FAM107B: variants seen among roughly 807,000 people sequenced by gnomAD.
FAM107B encodes the protein protein FAM107B.
In FAM107B, 21 loss-of-function variants were observed where a neutral mutation model predicts 31.5. The ratio of observed to expected loss-of-function variants is 0.67; its 90% CI spans 0.47 to 0.96. The LOEUF is 0.96. Ranked by LOEUF, FAM107B falls within the 40% of genes least tolerant of loss-of-function variation. FAM107B has a pLI of 0.00. For missense variants in FAM107B, 452 were observed against 377.1 expected (o/e 1.20, Z -1.64); for synonymous variants, 157 against 141.5 (o/e 1.11, Z -0.78).
chr10:14,748,343 T>C lies in FAM107B; in HGVS notation c.411+25910A>G, dbSNP rs368423040. 3.3e-5 allele frequency among the ~76,000 whole-genome samples: 5 copies of C among 152,320 alleles called. No homozygotes were observed. The East Asian group carries it at 9.6e-4, about 29-fold the overall frequency. ...GGGTAGTGGACATCTGTCATTCTTT[T>C]TGGCCACCTAGTATCTGAACTTTCC... On this transcript the variant is annotated intron_variant, in intron 1 of 4. Coordinates refer to ENST00000181796, the MANE Select transcript of FAM107B (RefSeq NM_031453.4).
chr10:14,582,991 C>G (rs970848295), intron 2 of FAM107B, among the ~76,000 whole-genome samples: 98 of 149,788 alleles, frequency 6.5e-4, no homozygotes, highest in African/African-American at 2.3e-3. Context: ...GAGGCTAAGG[C>G]AGGAGAATTG....
chr10:14,597,996 T>A (rs1244661917), intron 2 of FAM107B, among the ~76,000 whole-genome samples: 2 of 152,112 alleles, frequency 1.3e-5, no homozygotes, highest in Non-Finnish European at 2.9e-5. Context: ...AATGTCTAAG[T>A]CCTTAGCCCA....
At chr10:14,521,414 A>T in intron 4 of FAM107B, 108 bp from the exon 5 acceptor site, 1 of 876,132 alleles carries the variant, frequency 1.1e-6, no homozygotes, top group East Asian at 2.5e-5. Context: ...CACAGAATAA[A>T]TTCTCTCCTG....
At chr10:14,676,256 T>A (rs1854680766) in intron 1 of FAM107B, among the ~76,000 whole-genome samples, 1 of 151,710 alleles carries the variant, frequency 6.6e-6, no homozygotes, top group African/African-American at 2.4e-5. Flanking sequence ...GACGTAATTT[T>A]AGAACCCAAT....
chr10:14,542,304 G>A (rs1848291328), intron 2 of FAM107B, among the ~76,000 whole-genome samples: 1 of 150,782 alleles, frequency 6.6e-6, no homozygotes, highest in African/African-American at 2.4e-5. Context: ...TGAATGAACA[G>A]GATAATACGG....
chr10:14,688,110 G>A (rs940105913), intron 1 of FAM107B, among the ~76,000 whole-genome samples: 4 of 152,214 alleles, frequency 2.6e-5, no homozygotes, highest in African/African-American at 9.6e-5. Context: ...AAGCTGACTT[G>A]CTGAGTCTTC....
chr10:14,760,598 C>G (rs963355813), intron 1 of FAM107B, among the ~76,000 whole-genome samples: 1 of 149,590 alleles, frequency 6.7e-6, no homozygotes, highest in East Asian at 1.9e-4. Flanking sequence ...AAGAGATGTA[C>G]GTTTTTTCAC....
chr10:14,719,733 C>G (rs570111460), intron 1 of FAM107B, among the ~76,000 whole-genome samples: 25 of 150,394 alleles, frequency 1.7e-4, no homozygotes, highest in African/African-American at 6.0e-4. Flanking sequence ...TGTGTCTCCA[C>G]TGTGGTTCCT....
chr10:14,723,583 T>A, intron 1 of FAM107B: 2 of 669,930 alleles, frequency 3.0e-6, no homozygotes, highest in South Asian at 3.0e-5. Context: ...AAAGGCTATG[T>A]CCACATAGAA....
chr10:14,768,546 A>T (rs773383007), intron 1 of FAM107B, among the ~76,000 whole-genome samples: 6 of 152,260 alleles, frequency 3.9e-5, no homozygotes, highest in African/African-American at 9.6e-5. Context: ...GGGAAAAGAC[A>T]GTGTTGTCAA....
At chr10:14,741,561 G>T (rs1856437510) in intron 1 of FAM107B, among the ~76,000 whole-genome samples, 1 of 152,066 alleles carries the variant, frequency 6.6e-6, no homozygotes, top group South Asian at 2.1e-4. Flanking sequence ...ACTGACCCCA[G>T]ATCTGAGCCC....
chr10:14,681,014 A>G (rs976211641), intron 1 of FAM107B, among the ~76,000 whole-genome samples: 3 of 152,208 alleles, frequency 2.0e-5, no homozygotes, highest in African/African-American at 7.2e-5. Context: ...AGGATCAGGG[A>G]GACTCTGGGG....
At chr10:14,624,649 T>C (rs1241804072) in intron 2 of FAM107B, among the ~76,000 whole-genome samples, 3 of 151,612 alleles carry the variant, frequency 2.0e-5, no homozygotes, top group Non-Finnish European at 4.4e-5. Context: ...AAAAAAAGAC[T>C]TGAGGGTCAA....
chr10:14,683,692 A>G (rs4750551), intron 1 of FAM107B, among the ~76,000 whole-genome samples: 39,420 of 152,148 alleles, frequency 0.26, 5,959 homozygotes, highest in Admixed American at 0.34. Flanking sequence ...GTGAGTACCA[A>G]TAGAATCATG....
chr10:14,570,233 G>GGGGTGTGTGTGTGTGTGTGT (rs1554835078), intron 2 of FAM107B, among the ~76,000 whole-genome samples: 9 of 140,340 alleles, frequency 6.4e-5, no homozygotes, highest in African/African-American at 2.1e-4. Flanking sequence ...AAATGTGGTG[G>GGGGTGTGTGTGTGTGTGTGT]GTGTGTGTGT....
chr10:14,613,009 T>C (rs908282160), intron 2 of FAM107B, among the ~76,000 whole-genome samples: 1 of 152,174 alleles, frequency 6.6e-6, no homozygotes, highest in South Asian at 2.1e-4. Context: ...TCTCACTCTG[T>C]CGCTCAGGCT....
Position 14,774,624 on chromosome 10 carries a change from A to G in FAM107B, c.40T>C (p.Ser14Pro), listed in dbSNP as rs761290949. Residue 14 changes from serine to proline, a missense_variant, in exon 1 of 5, where the codon TCT becomes CCT. Ser to Pro is a moderately conservative substitution (Grantham distance 74). Coordinates refer to ENST00000181796, the MANE Select transcript of FAM107B (RefSeq NM_031453.4). ...AATGGATGCATGCTTCTAGAGGGAG[A>G]CTTCAGTCTTTTGGTGAGTCTTGCT... is the stretch of plus-strand genomic sequence containing the variant. Reference protein sequence around the residue: ...WKARLTKRLKSPSRSMHPFPC... With the variant: ...WKARLTKRLKPPSRSMHPFPC... 2.5e-6 allele frequency: 4 copies of G among 1,613,970 alleles called. No individual in the cohort carries two copies. The Admixed American group carries it at 6.7e-5, about 27-fold the overall frequency.
At chr10:14,616,424 G>A (rs1852851475) in intron 2 of FAM107B, among the ~76,000 whole-genome samples, 1 of 152,178 alleles carries the variant, frequency 6.6e-6, no homozygotes, top group African/African-American at 2.4e-5. Flanking sequence ...CTATTAATGA[G>A]GTTGAAAATG....
At chr10:14,703,571 G>C (rs1564631084) in intron 1 of FAM107B, among the ~76,000 whole-genome samples, 1 of 152,136 alleles carries the variant, frequency 6.6e-6, no homozygotes, top group Non-Finnish European at 1.5e-5. Context: ...CTGGCCTCAA[G>C]TGATACACCT....
Sources: gnomAD v4.1 joint callset for allele counts (sites outside exome capture counted in the v4.1 genomes callset) on GRCh38, gnomAD v4.1.1 for gene constraint, MANE v1.5 for transcripts, NCBI Gene and HGNC (gene_info 2026-07-23, HGNC 2026-07-21) for gene names.